Variants in CAMK2D observed in about 807,000 individuals in gnomAD.
The protein encoded by CAMK2D is calcium/calmodulin dependent protein kinase II delta, also known as calcium/calmodulin-dependent protein kinase type II subunit delta.
Under a neutral mutation model 84.0 loss-of-function variants are expected in CAMK2D, and 37 were observed. That is an observed-to-expected ratio of 0.44 (90% CI 0.34 to 0.58). CAMK2D has a LOEUF of 0.58. Ranked by LOEUF, CAMK2D falls within the 20% of genes least tolerant of loss-of-function variation. The probability of loss-of-function intolerance (pLI) is 0.02; values close to 1 mark genes in which losing one functional copy is unlikely to be tolerated. For synonymous variants in CAMK2D, 202 were observed against 212.5 expected (o/e 0.95, Z 0.43); for missense variants, 448 against 652.5 (o/e 0.69, Z 3.41).
intron 6 of CAMK2D, among the ~76,000 whole-genome samples, chr4:113,540,193 T>G (rs2098520861): frequency 6.6e-6 from 1 of 152,148 alleles, no homozygotes; most frequent in African/African-American, 2.4e-5. Context: ...GCTTCCAAGT[T>G]AAAAATATAT....
intron 16 of CAMK2D, among the ~76,000 whole-genome samples, chr4:113,467,234 G>A (rs1472782002): frequency 6.6e-6 from 1 of 152,136 alleles, no homozygotes; most frequent in African/African-American, 2.4e-5. Context: ...TATTGATCAC[G>A]AAGAAAGCTG....
chr4:113,722,234 C>A (rs2099532737), intron 2 of CAMK2D, among the ~76,000 whole-genome samples: 1 of 152,144 alleles, frequency 6.6e-6, no homozygotes, highest in Non-Finnish European at 1.5e-5. Flanking sequence ...AATAGCCCAT[C>A]AACTTATTTG....
chr4:113,607,197 G>A (rs557250800), intron 4 of CAMK2D, among the ~76,000 whole-genome samples: 17 of 152,156 alleles, frequency 1.1e-4, no homozygotes, highest in Admixed American at 2.6e-4. Context: ...AAAAATAATG[G>A]AAAAAGTAAA....
intron 3 of CAMK2D, among the ~76,000 whole-genome samples, chr4:113,653,562 A>T (rs1446777056): frequency 6.6e-6 from 1 of 152,042 alleles, no homozygotes; most frequent in East Asian, 1.9e-4. Context: ...TCGCTTTCTT[A>T]GACTGTTGCT....
intron 3 of CAMK2D, among the ~76,000 whole-genome samples, chr4:113,610,122 C>T (rs951793495): frequency 1.3e-5 from 2 of 151,886 alleles, no homozygotes; most frequent in Non-Finnish European, 2.9e-5. Flanking sequence ...ACTCATGTCA[C>T]GGGGGTTGAT....
intron 2 of CAMK2D, among the ~76,000 whole-genome samples, chr4:113,730,340 A>C (rs2099562470): frequency 6.6e-6 from 1 of 152,218 alleles, no homozygotes; most frequent in Admixed American, 6.5e-5. Context: ...CTTCAAAATA[A>C]TATGATGAAT....
At chr4:113,708,970 C>T (rs1053203970) in intron 2 of CAMK2D, among the ~76,000 whole-genome samples, 1 of 152,098 alleles carries the variant, frequency 6.6e-6, no homozygotes, top group African/African-American at 2.4e-5. Context: ...GATCTACCCA[C>T]CTTGGCCTCC....
chr4:113,661,743 T>G lies in CAMK2D; in HGVS notation c.190A>C (p.Ile64Leu), dbSNP rs1313879323. The G allele has an allele frequency of 3.3e-6, 5 of 1,508,424 alleles. No individual in the cohort carries two copies. The allele number at this position is 1,508,424 out of a possible 1,614,324, so 93.4% of individuals were successfully genotyped here. Residue 64 changes from isoleucine to leucine, a missense_variant, in exon 3 of 21, where the codon ATC (isoleucine) becomes CTC (leucine). By Grantham distance (5) the Ile-to-Leu change is conservative (BLOSUM62 2). Around this residue, in one of 7 missense-constraint regions of CAMK2D, gnomAD observed 46 missense variants for 46.3 expected, o/e 0.99. Coordinates refer to ENST00000511664, the MANE Select transcript of CAMK2D (RefSeq NM_001321571.2). ...TTAGGGTGCTTCAAAAGACGGCAGA[T>G]TCTAGCTTCTCTTTCTAGTTTCTGA... The part of the protein sequence containing the change: ...DHQKLEREAR[I>L]CRLLKHPNIV...
intron 2 of CAMK2D, among the ~76,000 whole-genome samples, chr4:113,666,708 A>G (rs1186554792): frequency 1.3e-5 from 2 of 152,136 alleles, no homozygotes; most frequent in East Asian, 3.9e-4. Flanking sequence ...CCTTCCCCAC[A>G]AAGAGAATCC....
intron 16 of CAMK2D, among the ~76,000 whole-genome samples, chr4:113,497,377 A>G (rs1299318012): frequency 1.3e-5 from 2 of 152,228 alleles, no homozygotes; most frequent in Non-Finnish European, 2.9e-5. Context: ...ACACAATTCA[A>G]AAGTATTACA....
chr4:113,573,285 A>G (rs1403552071), intron 4 of CAMK2D, among the ~76,000 whole-genome samples: 1 of 152,194 alleles, frequency 6.6e-6, no homozygotes, highest in African/African-American at 2.4e-5. Flanking sequence ...TCTCTAAGTC[A>G]CCAGATTTTA....
At chr4:113,617,852 G>A (rs1034293005) in intron 3 of CAMK2D, among the ~76,000 whole-genome samples, 1 of 151,678 alleles carries the variant, frequency 6.6e-6, no homozygotes, top group African/African-American at 2.4e-5. Context: ...AATCAAACAT[G>A]GTGAAGTATA....
chr4:113,647,009 A>G (rs1010101366), intron 3 of CAMK2D, among the ~76,000 whole-genome samples: 2 of 152,242 alleles, frequency 1.3e-5, no homozygotes, highest in African/African-American at 4.8e-5. Flanking sequence ...ATAGCCTTAC[A>G]TAATTTTTTA....
intron 2 of CAMK2D, among the ~76,000 whole-genome samples, chr4:113,702,189 C>A (rs1022129237): frequency 6.6e-6 from 1 of 152,144 alleles, no homozygotes. Flanking sequence ...TAAGAGGTTA[C>A]TTTCACTAGA....
At chr4:113,530,396 A>C (rs541154398) in intron 8 of CAMK2D, among the ~76,000 whole-genome samples, 1 of 152,348 alleles carries the variant, frequency 6.6e-6, no homozygotes, top group South Asian at 2.1e-4. Context: ...AGAATTTTCC[A>C]CATGTGGCAA....
chr4:113,612,570 T>C (rs2099004907), intron 3 of CAMK2D, among the ~76,000 whole-genome samples: 1 of 152,186 alleles, frequency 6.6e-6, no homozygotes, highest in Non-Finnish European at 1.5e-5. Flanking sequence ...AAGCTGCACA[T>C]ATGAGTGGAC....
At chr4:113,520,254 A>G (rs2098338551) in intron 8 of CAMK2D, among the ~76,000 whole-genome samples, 1 of 151,964 alleles carries the variant, frequency 6.6e-6, no homozygotes, top group Admixed American at 6.6e-5. Context: ...AAAAATACAA[A>G]AAAATTAACC....
chr4:113,660,881 C>T (rs895365540), intron 3 of CAMK2D, among the ~76,000 whole-genome samples: 6 of 151,432 alleles, frequency 4.0e-5, no homozygotes, highest in South Asian at 2.1e-4. Flanking sequence ...CTGCAAGCTC[C>T]GCCTCCCGGG....
intron 4 of CAMK2D, among the ~76,000 whole-genome samples, chr4:113,573,324 A>C (rs1399842094): frequency 6.6e-6 from 1 of 152,226 alleles, no homozygotes; most frequent in Non-Finnish European, 1.5e-5. Flanking sequence ...TTGTTGTTTG[A>C]GGTAATCTTT....
Sources: gnomAD v4.1 joint callset for allele counts (sites outside exome capture counted in the v4.1 genomes callset) on GRCh38, gnomAD v4.1.1 for gene constraint, gnomAD v4.1.1 regional missense constraint, MANE v1.5 for transcripts, NCBI Gene and HGNC (gene_info 2026-07-23, HGNC 2026-07-21) for gene names.